PHACTR1: variants seen among roughly 807,000 people sequenced by gnomAD.
PHACTR1 encodes the protein phosphatase and actin regulator 1.
A neutral mutation model predicts 69.2 loss-of-function variants in PHACTR1; 16 were observed. The ratio of observed to expected loss-of-function variants is 0.23; its 90% CI spans 0.16 to 0.35. The LOEUF is 0.35. PHACTR1 is among the 10% of genes least tolerant of loss of function. The pLI is 1.00. For missense variants in PHACTR1, 510 were observed against 734.7 expected, an observed-to-expected ratio of 0.69 and a Z score of 3.54; for synonymous variants, 312 against 284.5, an observed-to-expected ratio of 1.10 and a Z score of -0.97.
chr6:13,175,219 G>C (rs1431237127), intron 6 of PHACTR1, among the ~76,000 whole-genome samples: 1 of 152,158 alleles, frequency 6.6e-6, no homozygotes, highest in Non-Finnish European at 1.5e-5. Context: ...CGTATGTCAG[G>C]CAAGAAAAAG....
chr6:13,130,633 C>A (rs1057057194), intron 5 of PHACTR1, among the ~76,000 whole-genome samples: 10 of 152,018 alleles, frequency 6.6e-5, no homozygotes, highest in African/African-American at 2.4e-4. Context: ...TCTGAACGAC[C>A]AATAACAAGC....
intron 5 of PHACTR1, among the ~76,000 whole-genome samples, chr6:13,139,654 T>G (rs1822117774): frequency 6.6e-6 from 1 of 152,198 alleles, no homozygotes; most frequent in Non-Finnish European, 1.5e-5. Context: ...GTTTCCTCAT[T>G]AACTAGAAAC....
intron 4 of PHACTR1, among the ~76,000 whole-genome samples, chr6:12,768,187 T>A (rs1768899626): frequency 6.9e-6 from 1 of 144,976 alleles, no homozygotes; most frequent in Admixed American, 7.3e-5. Flanking sequence ...CGATCTCGGC[T>A]CACTGCAAGC....
At chr6:13,236,523 G>A (rs192831034) in intron 10 of PHACTR1, among the ~76,000 whole-genome samples, 26 of 152,198 alleles carry the variant, frequency 1.7e-4, no homozygotes, top group African/African-American at 3.9e-4. Flanking sequence ...CCGGCCTCTC[G>A]TGTTTGCTGG....
chr6:12,885,170 G>A (rs1783513307), intron 4 of PHACTR1, among the ~76,000 whole-genome samples: 1 of 152,162 alleles, frequency 6.6e-6, no homozygotes, highest in Non-Finnish European at 1.5e-5. Context: ...CGGAATGCAG[G>A]GAAGGTCCCG....
At chr6:12,774,156 A>G (rs1402797327) in intron 4 of PHACTR1, among the ~76,000 whole-genome samples, 10 of 152,166 alleles carry the variant, frequency 6.6e-5, no homozygotes, top group Non-Finnish European at 8.8e-5. Flanking sequence ...TGTATTGGAA[A>G]TATTCTTTAT....
intron 4 of PHACTR1, among the ~76,000 whole-genome samples, chr6:13,019,781 T>G (rs1582994443): frequency 6.6e-6 from 1 of 152,198 alleles, no homozygotes; most frequent in African/African-American, 2.4e-5. Flanking sequence ...CATAAAACTT[T>G]AATGGGGGTG....
At position 13,236,146 on chromosome 6, in the gene PHACTR1, G is replaced by C. The variant is rs544761061; in HGVS notation, c.1391+5953G>C. Reference sequence around the variant, plus strand: ...CAGAATTTTTTCATCACCTGAGCTGGAGCAGGGAGACTCCCCACTTCTAGT... The same window carrying C: ...CAGAATTTTTTCATCACCTGAGCTGCAGCAGGGAGACTCCCCACTTCTAGT... On this transcript the variant is annotated intron_variant, in intron 10 of 14. Transcript: ENST00000332995. Among the ~76,000 whole-genome samples the C allele has an allele frequency of 4.0e-5, 6 of 151,574 alleles. No individual in the cohort carries two copies. In the East Asian group the frequency reaches 7.8e-4, roughly 20 times the overall value.
At chr6:13,165,533 T>C (rs1759671574) in intron 6 of PHACTR1, among the ~76,000 whole-genome samples, 1 of 152,186 alleles carries the variant, frequency 6.6e-6, no homozygotes, top group Non-Finnish European at 1.5e-5. Context: ...GAGTTTACCT[T>C]CTACTCAGAA....
chr6:12,845,429 ACCC>A (rs1214194071), intron 4 of PHACTR1, among the ~76,000 whole-genome samples: 1 of 18,062 alleles, frequency 5.5e-5, no homozygotes, highest in African/African-American at 2.3e-4. Flanking sequence ...AACACCACCC[ACCC>A]CCCCCCCCCC....
chr6:12,933,700 T>C, intron 4 of PHACTR1: 1 of 1,612,844 alleles, frequency 6.2e-7, no homozygotes. Context: ...TTGGGCGTCC[T>C]CTTGGGCTCG....
chr6:12,926,653 A>G (rs576208323), intron 4 of PHACTR1, among the ~76,000 whole-genome samples: 1 of 152,302 alleles, frequency 6.6e-6, no homozygotes, highest in African/African-American at 2.4e-5. Flanking sequence ...CCTTTGTAGC[A>G]TTTCTGGCTT....
chr6:12,969,714 C>A (rs1793943416), intron 4 of PHACTR1, among the ~76,000 whole-genome samples: 1 of 152,228 alleles, frequency 6.6e-6, no homozygotes, highest in African/African-American at 2.4e-5. Context: ...GTAATCCCAG[C>A]ACGTGGGGAG....
At chr6:13,257,007 A>C (rs2127410324) in intron 10 of PHACTR1, among the ~76,000 whole-genome samples, 1 of 152,328 alleles carries the variant, frequency 6.6e-6, no homozygotes, top group East Asian at 1.9e-4. Context: ...TCGAACTGCT[A>C]CAAAGAAATA....
At chr6:13,184,219 A>G (rs943010560) in intron 7 of PHACTR1, among the ~76,000 whole-genome samples, 6 of 152,198 alleles carry the variant, frequency 3.9e-5, no homozygotes, top group Non-Finnish European at 7.4e-5. Context: ...GGTGCAGCCT[A>G]TGAGGTGTCA....
intron 10 of PHACTR1, among the ~76,000 whole-genome samples, chr6:13,247,490 C>T (rs1311906722): frequency 1.3e-5 from 2 of 152,060 alleles, no homozygotes; most frequent in African/African-American, 2.4e-5. Context: ...AGATTACAGG[C>T]GCCAGCCACC....
At chr6:12,767,109 G>C (rs572728563) in intron 4 of PHACTR1, among the ~76,000 whole-genome samples, 1 of 152,324 alleles carries the variant, frequency 6.6e-6, no homozygotes, top group East Asian at 1.9e-4. Context: ...TAATACGTCA[G>C]GTGGGTCAGC....
chr6:13,003,100 A>G (rs1289723863), intron 4 of PHACTR1, among the ~76,000 whole-genome samples: 1 of 152,240 alleles, frequency 6.6e-6, no homozygotes, highest in Non-Finnish European at 1.5e-5. Flanking sequence ...TCCCTGATAT[A>G]TTGCCAATTT....
At chr6:13,023,327 C>A (rs1251192838) in intron 4 of PHACTR1, among the ~76,000 whole-genome samples, 1 of 152,270 alleles carries the variant, frequency 6.6e-6, no homozygotes, top group East Asian at 1.9e-4. Context: ...GCACATGTTA[C>A]AAAGAGGGAT....
Sources: gnomAD v4.1 joint callset for allele counts (sites outside exome capture counted in the v4.1 genomes callset) on GRCh38, gnomAD v4.1.1 for gene constraint, MANE v1.5 for transcripts, NCBI Gene and HGNC (gene_info 2026-07-23, HGNC 2026-07-21) for gene names.